LHFPL3: variants seen among roughly 807,000 people sequenced by gnomAD.
The protein encoded by LHFPL3 is LHFPL tetraspan subfamily member 3 protein.
LHFPL3 carries 5 observed loss-of-function variants against 19.3 expected under a neutral mutation model. The observed-to-expected ratio is 0.26, with a 90% CI of 0.14 to 0.54. The LOEUF is 0.54. LHFPL3 is among the 20% of genes least tolerant of loss of function. LHFPL3 has a pLI of 0.94. For synonymous variants in LHFPL3, 133 were observed against 126.2 expected (o/e 1.05, Z -0.36); for missense variants, 249 against 307.4 (o/e 0.81, Z 1.42).
chr7:104,549,464 C>CACACACAT (rs1454093299), intron 1 of LHFPL3, among the ~76,000 whole-genome samples: 5 of 150,788 alleles, frequency 3.3e-5, no homozygotes, highest in Admixed American at 6.6e-5. Flanking sequence ...CACACACACA[C>CACACACAT]ACACACACAC....
At chr7:104,535,615 A>C (rs1288416690) in intron 1 of LHFPL3, among the ~76,000 whole-genome samples, 1 of 152,194 alleles carries the variant, frequency 6.6e-6, no homozygotes, top group Non-Finnish European at 1.5e-5. Context: ...GGCACAGAAC[A>C]CCTAAATTTC....
chr7:104,362,602 A>G (rs1367827317), intron 1 of LHFPL3, among the ~76,000 whole-genome samples: 2 of 152,202 alleles, frequency 1.3e-5, no homozygotes, highest in Non-Finnish European at 2.9e-5. Flanking sequence ...TAACTGCCCA[A>G]TGGGTTCATC....
intron 1 of LHFPL3, among the ~76,000 whole-genome samples, chr7:104,416,438 A>G (rs1791624526): frequency 6.6e-6 from 1 of 152,148 alleles, no homozygotes; most frequent in African/African-American, 2.4e-5. Flanking sequence ...TGTATCACCT[A>G]CTCACTGCTG....
At chr7:104,444,911 C>T (rs555473543) in intron 1 of LHFPL3, among the ~76,000 whole-genome samples, 26 of 152,084 alleles carry the variant, frequency 1.7e-4, no homozygotes, top group Non-Finnish European at 3.4e-4. Context: ...TCGCTTGAAC[C>T]TGGGAGGTGG....
At chr7:104,448,810 A>G (rs912253865) in intron 1 of LHFPL3, among the ~76,000 whole-genome samples, 1 of 152,214 alleles carries the variant, frequency 6.6e-6, no homozygotes, top group African/African-American at 2.4e-5. Flanking sequence ...AAATGATTTT[A>G]TAATGTTTAG....
chr7:104,387,574 C>T (rs998512399), intron 1 of LHFPL3, among the ~76,000 whole-genome samples: 1 of 152,008 alleles, frequency 6.6e-6, no homozygotes, highest in Non-Finnish European at 1.5e-5. Flanking sequence ...CATCATCAAG[C>T]ATACCAATAT....
At chr7:104,654,507 C>T (rs1584462982) in intron 1 of LHFPL3, among the ~76,000 whole-genome samples, 1 of 152,096 alleles carries the variant, frequency 6.6e-6, no homozygotes, top group South Asian at 2.1e-4. Flanking sequence ...GCTGCATGAC[C>T]TTGGGCAAGT....
At chr7:104,759,115 A>C (rs1794333328) in intron 2 of LHFPL3, among the ~76,000 whole-genome samples, 1 of 152,220 alleles carries the variant, frequency 6.6e-6, no homozygotes, top group Non-Finnish European at 1.5e-5. Context: ...AAGCAAGAGA[A>C]GATAAGAGTG....
intron 1 of LHFPL3, among the ~76,000 whole-genome samples, chr7:104,349,083 G>GACAAAA (rs1257498205): frequency 2.0e-5 from 3 of 151,794 alleles, no homozygotes; most frequent in African/African-American, 7.3e-5. Flanking sequence ...TCTCTGGGAA[G>GACAAAA]ACAAAAACAC....
In LHFPL3 at chr7:104,472,400, G is replaced by A. The variant is rs146854811; in HGVS notation, c.445+143176G>A. On this transcript the variant is annotated intron_variant, in intron 1 of 2. Coordinates refer to ENST00000424859, the MANE Select transcript of LHFPL3 (RefSeq NM_199000.3). ...AGGCTACTTCATTCTATTTTTATCA[G>A]CCTTTAAATACTGCATGTACTTTGT... 4.8e-3 allele frequency among the ~76,000 whole-genome samples: 726 copies of A among 152,138 alleles called. 4 individuals are homozygous for A. The highest frequency in any genetic ancestry group is 0.017 in the African/African-American group (699 of 41,502).
At chr7:104,518,839 A>ATAGG (rs1406162687) in intron 1 of LHFPL3, among the ~76,000 whole-genome samples, 1 of 149,372 alleles carries the variant, frequency 6.7e-6, no homozygotes, top group Non-Finnish European at 1.5e-5. Flanking sequence ...AGATAGATAG[A>ATAGG]TAGATAGAAT....
intron 1 of LHFPL3, among the ~76,000 whole-genome samples, chr7:104,375,337 A>G (rs1174498897): frequency 1.3e-5 from 2 of 152,172 alleles, no homozygotes; most frequent in Non-Finnish European, 2.9e-5. Flanking sequence ...GATTCCATCT[A>G]AAAAATGAAA....
At chr7:104,658,768 C>T (rs185356332) in intron 1 of LHFPL3, among the ~76,000 whole-genome samples, 2 of 152,214 alleles carry the variant, frequency 1.3e-5, no homozygotes, top group Non-Finnish European at 2.9e-5. Flanking sequence ...CTAGCCTGGC[C>T]GACAGAGCGA....
chr7:104,649,131 A>G (rs1791983663), intron 1 of LHFPL3, among the ~76,000 whole-genome samples: 2 of 152,222 alleles, frequency 1.3e-5, no homozygotes, highest in South Asian at 4.1e-4. Flanking sequence ...TGAAGAGCAA[A>G]TAGGTTAGCA....
At chr7:104,427,125 C>G (rs915877038) in intron 1 of LHFPL3, among the ~76,000 whole-genome samples, 2 of 152,134 alleles carry the variant, frequency 1.3e-5, no homozygotes, top group Non-Finnish European at 2.9e-5. Context: ...AGGAGATCGT[C>G]AAATCCAGGA....
chr7:104,625,518 A>C (rs1791525896), intron 1 of LHFPL3, among the ~76,000 whole-genome samples: 1 of 152,218 alleles, frequency 6.6e-6, no homozygotes, highest in Admixed American at 6.5e-5. Flanking sequence ...TTCTATCTTC[A>C]GAGTGTCTCA....
chr7:104,658,034 A>G (rs1017520252), intron 1 of LHFPL3, among the ~76,000 whole-genome samples: 1 of 152,230 alleles, frequency 6.6e-6, no homozygotes, highest in Non-Finnish European at 1.5e-5. Flanking sequence ...GGGCCATTAC[A>G]TTAAATCATA....
At chr7:104,583,722 G>C (rs1318643363) in intron 1 of LHFPL3, among the ~76,000 whole-genome samples, 1 of 151,976 alleles carries the variant, frequency 6.6e-6, no homozygotes, top group Non-Finnish European at 1.5e-5. Flanking sequence ...CATCATCACT[G>C]GCCATCAGAG....
At chr7:104,597,613 A>C (rs1160768299) in intron 1 of LHFPL3, among the ~76,000 whole-genome samples, 2 of 152,330 alleles carry the variant, frequency 1.3e-5, no homozygotes, top group East Asian at 3.9e-4. Context: ...TATAATCCTT[A>C]TTAATTGAAG....
Sources: allele counts gnomAD v4.1 joint callset (sites outside exome capture counted in the v4.1 genomes callset), GRCh38; gene constraint gnomAD v4.1.1; transcripts MANE v1.5; gene names NCBI Gene and HGNC (gene_info 2026-07-23, HGNC 2026-07-21).